UHRF1: variants seen among roughly 807,000 people sequenced by gnomAD.
UHRF1 encodes ubiquitin like with PHD and ring finger domains 1.
UHRF1 carries 9 observed loss-of-function variants against 96.5 expected under a neutral mutation model. That is an observed-to-expected ratio of 0.09 (90% CI 0.06 to 0.16). The LOEUF (loss-of-function observed/expected upper bound fraction) is 0.16, where lower values mean the gene tolerates loss of function less well. UHRF1 is among the 10% of genes least tolerant of loss of function. The pLI, the probability that UHRF1 is intolerant of heterozygous loss-of-function variation, is 1.00. For synonymous variants in UHRF1, 455 were observed against 469.9 expected, an observed-to-expected ratio of 0.97 and a Z score of 0.41; for missense variants, 626 against 1,131.1, an observed-to-expected ratio of 0.55 and a Z score of 6.40.
In UHRF1 at chr19:4,930,924, C is replaced by G. The variant is rs545020720; in HGVS notation, c.569+48C>G. 1 of 1,605,498 alleles carries G rather than the reference C, an allele frequency of 6.2e-7. No individual in the cohort carries two copies. Among genetic ancestry groups the G allele is most frequent in the Non-Finnish European group, 8.5e-7 (1 of 1,174,326 alleles). On this transcript the variant is annotated intron_variant, in intron 4 of 16. Coordinates refer to ENST00000650932, the MANE Select transcript of UHRF1 (RefSeq NM_001048201.3). This position sits in a 1 kb window ranked among gnomAD's most constrained non-coding sequence, Gnocchi z 4.4. ...GCCTGGGTATTCAGGCTCTGTGACGCGCATCCTTGGCTGCGGGTGTTCAGG... is the reference window on the plus strand; with the variant it reads ...GCCTGGGTATTCAGGCTCTGTGACGGGCATCCTTGGCTGCGGGTGTTCAGG...
At position 4,954,510 on chromosome 19, in the gene UHRF1, G is replaced by A; in HGVS notation, c.1957+22G>A. ...GCAGGTGAGAATCTCGTGGGTGTGG[G>A]GTGAGCGTCTTGTGTGTGGGGGAGC... On this transcript the variant is annotated intron_variant, in intron 14 of 16. Transcript: ENST00000650932. The surrounding 1 kb of genome is among the most constrained non-coding windows in gnomAD (Gnocchi z 5.9). 2 of 1,599,866 alleles carry A rather than the reference G, an allele frequency of 1.3e-6. No individual in the cohort carries two copies. Among genetic ancestry groups the A allele is most frequent in the South Asian group, 1.1e-5 (1 of 89,708 alleles).
intron 4 of UHRF1, 43 bp from the exon 5 acceptor site, chr19:4,932,698 C>G (rs763137545): frequency 6.2e-7 from 1 of 1,601,582 alleles, no homozygotes; most frequent in South Asian, 1.1e-5. Flanking sequence ...GGGAAGGAGG[C>G]TTGGTCTTAG....
chr19:4,956,895 C>CT, intron 16 of UHRF1, 82 bp downstream of exon 16: 2 of 970,532 alleles, frequency 2.1e-6, no homozygotes, highest in Admixed American at 4.0e-5. Context: ...CCTGCCACTA[C>CT]AGACAGAGGC....
At chr19:4,958,930 C>T (rs1453849056) in intron 16 of UHRF1, among the ~76,000 whole-genome samples, 1 of 150,704 alleles carries the variant, frequency 6.6e-6, no homozygotes, top group Non-Finnish European at 1.5e-5. Context: ...CCATTGTACT[C>T]CAGCCTGGGC....
chr19:4,938,713 AGTTTT>A (rs2033288348), intron 5 of UHRF1, among the ~76,000 whole-genome samples: 1 of 84,874 alleles, frequency 1.2e-5, no homozygotes, highest in Non-Finnish European at 2.3e-5. Context: ...CTGGCATAAG[AGTTTT>A]GTTTTGGTCA....
At position 4,945,919 on chromosome 19, in the gene UHRF1, A is replaced by G; in HGVS notation, c.1364A>G (p.Asp455Gly). The G allele has an allele frequency of 6.3e-7, 1 of 1,595,030 alleles. No homozygotes were observed. The highest frequency in any genetic ancestry group is 8.5e-7 in the Non-Finnish European group (1 of 1,173,316). Residue 455 changes from aspartate to glycine, a missense_variant, in exon 10 of 17, where the codon GAC becomes GGC. Around this residue, in one of 11 missense-constraint regions of UHRF1, gnomAD observed 5 missense variants for 77.1 expected, o/e 0.06. Coordinates refer to ENST00000650932, the MANE Select transcript of UHRF1 (RefSeq NM_001048201.3). ...HVAGIHGRSN[D>G]GAYSLVLAGG... ...GCTGGCATACACGGCCGGAGCAACG[A>G]CGGAGCGTACTCCCTAGTCCTGGCG...
chr19:4,909,705 G>T, intron 1 of UHRF1, 50 bp downstream of exon 1: 1 of 503,694 alleles, frequency 2.0e-6, no homozygotes. Flanking sequence ...GGCGCACGGG[G>T]CTCGGGAACT....
rs1027968668 is a variant in UHRF1, at chr19:4,956,702, C to T, written c.2131-7C>T. 2 of 1,602,524 alleles carry T rather than the reference C, an allele frequency of 1.2e-6. No individual in the cohort carries two copies. The highest frequency in any genetic ancestry group is 1.7e-6 in the Non-Finnish European group (2 of 1,172,392). ...TCTTTGCCGGCCTCACACCCGCTTC[C>T]CTCTAGTTCCAGTTGTTCCTGAGTA... On this transcript the variant is annotated splice_polypyrimidine_tract_variant and splice_region_variant and intron_variant, in intron 15 of 16. Transcript: ENST00000650932.
At chr19:4,947,866 G>A (rs949059064) in intron 11 of UHRF1, among the ~76,000 whole-genome samples, 1 of 152,034 alleles carries the variant, frequency 6.6e-6, no homozygotes, top group Non-Finnish European at 1.5e-5. Flanking sequence ...AGGAGGCCGA[G>A]GCTCGAGGAT....
chr19:4,949,516 T>C (rs1433607900), intron 11 of UHRF1, among the ~76,000 whole-genome samples: 1 of 146,526 alleles, frequency 6.8e-6, no homozygotes, highest in Non-Finnish European at 1.5e-5. Context: ...TCTCACAAAG[T>C]CAGTAACTAA....
Position 4,939,777 on chromosome 19 carries a change from T to C in UHRF1, c.786-1751T>C, listed in dbSNP as rs555541456. Among the ~76,000 whole-genome samples the C allele has an allele frequency of 2.8e-3, 427 of 152,112 alleles. 2 individuals carry two copies. Among genetic ancestry groups the C allele is most frequent in the Non-Finnish European group, 3.9e-3 (264 of 67,978 alleles). ...CAGTGGCTCATGCCTGTAATCCCAG[T>C]ACTTTGGGGGGCCGAGGTGGGCGGA... On this transcript the variant is annotated intron_variant, in intron 5 of 16. Coordinates refer to ENST00000650932, the MANE Select transcript of UHRF1 (RefSeq NM_001048201.3).
chr19:4,922,878 C>T (rs763230303), intron 2 of UHRF1, among the ~76,000 whole-genome samples: 24 of 152,340 alleles, frequency 1.6e-4, no homozygotes, highest in African/African-American at 5.1e-4. Context: ...ACGTAGCCCA[C>T]GCTAAGCAGG....
chr19:4,952,407 TTTTTTGGAGA>T (rs2033742582), intron 13 of UHRF1, among the ~76,000 whole-genome samples: 1 of 146,594 alleles, frequency 6.8e-6, no homozygotes, highest in Non-Finnish European at 1.5e-5. Flanking sequence ...TTTTTTTTTT[TTTTTTGGAGA>T]CAGAGTCTCA....
chr19:4,905,603 C>T (rs753635699), upstream of UHRF1, among the ~76,000 whole-genome samples: 6 of 151,472 alleles, frequency 4.0e-5, no homozygotes, highest in Non-Finnish European at 7.4e-5. Context: ...CTGTAACCTC[C>T]GCCTCCTGGG....
chr19:4,931,262 G>C (rs1377127584), intron 4 of UHRF1, among the ~76,000 whole-genome samples: 3 of 152,168 alleles, frequency 2.0e-5, no homozygotes, highest in African/African-American at 4.8e-5. Context: ...CACACCAGTG[G>C]ACACAGATGG....
At chr19:4,943,664 T>G (rs1208812764) in intron 7 of UHRF1, among the ~76,000 whole-genome samples, 5 of 152,090 alleles carry the variant, frequency 3.3e-5, no homozygotes, top group African/African-American at 1.2e-4. Flanking sequence ...CTTTCTTTTT[T>G]TTTTGAGATA....
At chr19:4,929,140 G>A in intron 2 of UHRF1, 82 bp from the exon 3 acceptor site, 1 of 1,533,576 alleles carries the variant, frequency 6.5e-7, no homozygotes, top group African/African-American at 1.4e-5. Flanking sequence ...CTGGGACACA[G>A]TGTTTGGTTC....
chr19:4,928,329 A>AGG (rs943450484), intron 2 of UHRF1, among the ~76,000 whole-genome samples: 9 of 132,072 alleles, frequency 6.8e-5, no homozygotes, highest in African/African-American at 2.6e-4. Flanking sequence ...AATCATCAGG[A>AGG]GGGGGGGGTC....
chr19:4,921,340 G>A (rs888617888), intron 2 of UHRF1, among the ~76,000 whole-genome samples: 7 of 152,154 alleles, frequency 4.6e-5, no homozygotes, highest in African/African-American at 1.7e-4. Flanking sequence ...TCGGGAGGCT[G>A]AGGCAGGAGA....
Sources: gnomAD v4.1 joint callset for allele counts (sites outside exome capture counted in the v4.1 genomes callset) on GRCh38, gnomAD v4.1.1 for gene constraint, gnomAD v4.1.1 regional missense constraint, Gnocchi (gnomAD v3.1) non-coding constraint, MANE v1.5 for transcripts, NCBI Gene and HGNC (gene_info 2026-07-23, HGNC 2026-07-21) for gene names.